ARMCX4: variants seen among roughly 807,000 people sequenced by gnomAD.
ARMCX4 encodes armadillo repeat containing X-linked 4, also known as armadillo repeat-containing X-linked protein 4.
In ARMCX4, 3 loss-of-function variants were observed where a neutral mutation model predicts 34.7. That is an observed-to-expected ratio of 0.09 (90% CI 0.04 to 0.22). The LOEUF (loss-of-function observed/expected upper bound fraction) is 0.22. Ranked by LOEUF, ARMCX4 falls within the 10% of genes least tolerant of loss-of-function variation. ARMCX4 has a pLI of 1.00. For synonymous variants in ARMCX4, 513 were observed against 632.8 expected (o/e 0.81, Z 2.84); for missense variants, 1,448 against 1,720.8 (o/e 0.84, Z 2.81).
chrX:101,512,242 T>C (rs1556016491), intron 11 of ARMCX4, among the ~76,000 whole-genome samples: 1 of 111,199 alleles, frequency 9.0e-6, no homozygotes, highest in Admixed American at 9.5e-5. Flanking sequence ...ATTAGCCTGG[T>C]GTGGTGGCAG....
At chrX:101,474,987 A>C (rs1364212977) in intron 4 of ARMCX4, among the ~76,000 whole-genome samples, 1 of 107,945 alleles carries the variant, frequency 9.3e-6, no homozygotes, top group Admixed American at 1.0e-4. Flanking sequence ...AGGAAGAAAA[A>C]AAAAAAAAAA....
chrX:101,465,964 A>T (rs56855359), intron 4 of ARMCX4, among the ~76,000 whole-genome samples: 3,190 of 111,978 alleles, frequency 0.028, 118 homozygotes, highest in African/African-American at 0.097. Flanking sequence ...TTTTTTTGGT[A>T]GGACACAAAT....
intron 2 of ARMCX4, among the ~76,000 whole-genome samples, chrX:101,438,279 A>G (rs1930953358): frequency 8.9e-6 from 1 of 112,034 alleles, no homozygotes; most frequent in Non-Finnish European, 1.9e-5. Context: ...GTCTCCCATT[A>G]TCAGGCTGGG....
intron 2 of ARMCX4, among the ~76,000 whole-genome samples, chrX:101,420,391 A>G (rs781837172): frequency 8.9e-6 from 1 of 111,743 alleles, no homozygotes; most frequent in African/African-American, 3.2e-5. Context: ...AAGACCACCA[A>G]TTTATTGCCA....
At chrX:101,420,732 G>A (rs1328051177) in intron 2 of ARMCX4, among the ~76,000 whole-genome samples, 3 of 112,564 alleles carry the variant, frequency 2.7e-5, no homozygotes, top group Non-Finnish European at 5.6e-5. Flanking sequence ...GGCATGGTGA[G>A]TAAAAGAGAC....
chrX:101,448,262 C>T (rs1162313048), downstream of ARMCX4, among the ~76,000 whole-genome samples: 1 of 112,125 alleles, frequency 8.9e-6, no homozygotes, highest in Non-Finnish European at 1.9e-5. Flanking sequence ...ACTTAGGTTG[C>T]TTCCAAATCT....
chrX:101,524,919 T>C (rs1934932335), intron 11 of ARMCX4, among the ~76,000 whole-genome samples: 1 of 111,945 alleles, frequency 8.9e-6, no homozygotes, highest in East Asian at 2.8e-4. Context: ...TAAACGTCCC[T>C]GTCTGACAGT....
intron 11 of ARMCX4, among the ~76,000 whole-genome samples, chrX:101,523,404 A>G (rs1007390403): frequency 8.9e-6 from 1 of 112,320 alleles, no homozygotes; most frequent in Non-Finnish European, 1.9e-5. Flanking sequence ...TATGAGAGCC[A>G]TCTCCAAGCC....
At chrX:101,443,704 G>A (rs993206850) in intron 2 of ARMCX4, 15 of 251,709 alleles carry the variant, frequency 6.0e-5, no homozygotes, top group South Asian at 1.3e-4. Context: ...TCTACAGTCC[G>A]CAATAGTTCT....
In ARMCX4 at chrX:101,493,033, G is replaced by A; in HGVS notation, c.4444G>A (p.Val1482Ile). The A allele has an allele frequency of 1.7e-6, 2 of 1,155,691 alleles. No homozygotes were observed. The highest frequency in any genetic ancestry group is 2.3e-6 in the Non-Finnish European group (2 of 872,662). ...GTCCTGGGCTGATGCCAGGGAGCAGGTTGTTGGAGATTCTAGGCTGGGGCT... is the reference window on the plus strand; with the variant it reads ...GTCCTGGGCTGATGCCAGGGAGCAGATTGTTGGAGATTCTAGGCTGGGGCT... The part of the protein sequence containing the change: ...RGSWADAREQ[V>I]VGDSRLGLRD... The change falls in exon 6 of 6, where the codon GTT becomes ATT. Residue 1482 changes from valine to isoleucine, a missense_variant. By Grantham distance (29) the Val-to-Ile change is conservative. Coordinates refer to ENST00000423738, the MANE Select transcript of ARMCX4 (RefSeq NM_001256155.3).
intron 11 of ARMCX4, among the ~76,000 whole-genome samples, chrX:101,519,655 A>AT (rs1934811061): frequency 9.0e-6 from 1 of 111,606 alleles, no homozygotes; most frequent in African/African-American, 3.3e-5. Context: ...TCTCTCTGAG[A>AT]TTCTGATTTC....
At chrX:101,507,048 A>G (rs190677993) in intron 8 of ARMCX4, among the ~76,000 whole-genome samples, 1 of 111,658 alleles carries the variant, frequency 9.0e-6, no homozygotes, top group Admixed American at 9.6e-5. Flanking sequence ...GGAAGGATTC[A>G]GTTGTCTTAT....
chrX:101,486,704 G>A, intron 2 of ARMCX4, among the ~76,000 whole-genome samples: 1 of 111,076 alleles, frequency 9.0e-6, no homozygotes, highest in Non-Finnish European at 1.9e-5. Flanking sequence ...CAAGCAAGAG[G>A]ATTGCTTGAG....
At chrX:101,440,287 C>T (rs782021950) in intron 2 of ARMCX4, among the ~76,000 whole-genome samples, 3 of 111,989 alleles carry the variant, frequency 2.7e-5, no homozygotes, top group South Asian at 7.5e-4. Context: ...GGCTGCAGAA[C>T]AGCGGATATT....
intron 11 of ARMCX4, among the ~76,000 whole-genome samples, chrX:101,528,891 C>A (rs1935050185): frequency 9.0e-6 from 1 of 111,134 alleles, no homozygotes; most frequent in African/African-American, 3.3e-5. Flanking sequence ...TCAATATCTT[C>A]AAAATGGCCA....
chrX:101,525,620 T>C (rs145732197), intron 11 of ARMCX4, among the ~76,000 whole-genome samples: 121 of 111,065 alleles, frequency 1.1e-3, no homozygotes, highest in Non-Finnish European at 1.8e-3. Flanking sequence ...GTAGAGAAGA[T>C]CTTAGGTGAC....
At chrX:101,505,656 G>A (rs1556014971) in intron 8 of ARMCX4, among the ~76,000 whole-genome samples, 1 of 111,477 alleles carries the variant, frequency 9.0e-6, no homozygotes, top group African/African-American at 3.3e-5. Context: ...TTGAAACCGA[G>A]GGTACAGCCT....
chrX:101,533,797 C>A (rs1376953442), downstream of ARMCX4, among the ~76,000 whole-genome samples: 1 of 111,369 alleles, frequency 9.0e-6, no homozygotes, highest in Non-Finnish European at 1.9e-5. Flanking sequence ...GACAAGAATG[C>A]CAGTTATTTC....
chrX:101,459,767 C>T (rs1438189210), intron 4 of ARMCX4, among the ~76,000 whole-genome samples: 2 of 112,615 alleles, frequency 1.8e-5, no homozygotes, highest in Admixed American at 1.9e-4. Flanking sequence ...ACTATCTGCA[C>T]AGGTTTTCCC....
Sources: gnomAD v4.1 joint callset for allele counts (sites outside exome capture counted in the v4.1 genomes callset) on GRCh38, gnomAD v4.1.1 for gene constraint, MANE v1.5 for transcripts, NCBI Gene and HGNC (gene_info 2026-07-23, HGNC 2026-07-21) for gene names.